RANBP17: variants seen among roughly 807,000 people sequenced by gnomAD.
RANBP17 encodes the protein ran-binding protein 17.
Under a neutral mutation model 141.2 loss-of-function variants are expected in RANBP17, and 158 were observed. The ratio of observed to expected loss-of-function variants is 1.12; its 90% CI spans 0.98 to 1.28. RANBP17 has a LOEUF of 1.28. Among genes scored for constraint, RANBP17 ranks in the 50% most tolerant of loss-of-function variants. The probability of loss-of-function intolerance (pLI) is 0.00; values close to 1 mark genes in which losing one functional copy is unlikely to be tolerated. For synonymous variants in RANBP17, 430 were observed against 450.0 expected (o/e 0.96, Z 0.56); for missense variants, 1,438 against 1,290.7 (o/e 1.11, Z -1.75).
intron 5 of RANBP17, chr5:170,904,344 A>G (rs1476606792): frequency 4.6e-6 from 1 of 217,124 alleles, no homozygotes; most frequent in South Asian, 8.9e-5. Flanking sequence ...GAAGAAAGCT[A>G]TTTCACAGAA....
At chr5:171,003,246 G>C (rs1288096916) in intron 14 of RANBP17, among the ~76,000 whole-genome samples, 1 of 152,184 alleles carries the variant, frequency 6.6e-6, no homozygotes, top group Admixed American at 6.5e-5. Context: ...GTTAGGATGA[G>C]TCAGGGAAAG....
intron 12 of RANBP17, among the ~76,000 whole-genome samples, chr5:170,943,617 G>A (rs1332380704): frequency 6.6e-6 from 1 of 151,878 alleles, no homozygotes; most frequent in Non-Finnish European, 1.5e-5. Flanking sequence ...TGGAAATTTA[G>A]TATTATTATA....
chr5:170,995,962 G>A (rs1303198810), intron 14 of RANBP17, among the ~76,000 whole-genome samples: 1 of 152,034 alleles, frequency 6.6e-6, no homozygotes, highest in East Asian at 1.9e-4. Flanking sequence ...GGATTTTCAG[G>A]CTGCAGTGTG....
chr5:170,995,083 A>G (rs893994821), intron 14 of RANBP17, among the ~76,000 whole-genome samples: 5 of 152,152 alleles, frequency 3.3e-5, no homozygotes, highest in African/African-American at 7.2e-5. Flanking sequence ...AAATATTCCT[A>G]GTTAAATCAG....
In RANBP17 at chr5:170,903,708, A is replaced by G. The variant is rs550375585; in HGVS notation, c.490-5953A>G. ...TGCCCATTGACAGTCTTTATTTGACATCATTAGCAAAGTCGACCTCATAGT... is the reference window on the plus strand; with the variant it reads ...TGCCCATTGACAGTCTTTATTTGACGTCATTAGCAAAGTCGACCTCATAGT... On this transcript the variant is annotated intron_variant, in intron 5 of 27. Transcript: ENST00000523189. 30 of 309,194 alleles carry G rather than the reference A, an allele frequency of 9.7e-5. No individual in the cohort carries two copies. The South Asian group carries it at 1.2e-3, about 12-fold the overall frequency. 19.2% of individuals were successfully genotyped at this position (309,194 alleles called of 1,614,324 possible). A position where few individuals can be genotyped will look rare whatever the true frequency, so the allele number is the denominator to read the frequency against.
At chr5:170,968,597 T>C in intron 14 of RANBP17, 1 of 596,402 alleles carries the variant, frequency 1.7e-6, no homozygotes, top group South Asian at 1.6e-5. Context: ...AATGAATATG[T>C]TTTACATGGA....
intron 14 of RANBP17, among the ~76,000 whole-genome samples, chr5:171,032,572 C>G (rs1260175202): frequency 6.6e-6 from 1 of 152,006 alleles, no homozygotes; most frequent in Non-Finnish European, 1.5e-5. Flanking sequence ...CCCTGTATAT[C>G]TGTATAGTGA....
chr5:171,103,052 G>A (rs759518680), intron 14 of RANBP17, among the ~76,000 whole-genome samples: 2 of 152,200 alleles, frequency 1.3e-5, no homozygotes, highest in African/African-American at 4.8e-5. Context: ...GCTGGGAGGT[G>A]TCTCTCAGTC....
intron 14 of RANBP17, among the ~76,000 whole-genome samples, chr5:171,160,441 A>G (rs993634613): frequency 6.6e-6 from 1 of 152,188 alleles, no homozygotes; most frequent in Non-Finnish European, 1.5e-5. Flanking sequence ...TTTACTGTAT[A>G]CCAGGACTGT....
chr5:171,195,791 C>T (rs146294411), intron 18 of RANBP17, among the ~76,000 whole-genome samples: 2 of 152,298 alleles, frequency 1.3e-5, no homozygotes, highest in African/African-American at 4.8e-5. Flanking sequence ...TATCTAATTC[C>T]TTTGAGTCTC....
chr5:170,972,730 G>A (rs1479566933), intron 14 of RANBP17, among the ~76,000 whole-genome samples: 2 of 152,028 alleles, frequency 1.3e-5, no homozygotes, highest in Non-Finnish European at 2.9e-5. Context: ...GAATTGCTGG[G>A]CTGTAAAATG....
chr5:171,171,223 A>G lies in RANBP17; in HGVS notation c.1802A>G (p.Tyr601Cys). Residue 601 changes from tyrosine (Y) to cysteine (C), a missense_variant, in exon 16 of 28, where the codon TAC becomes TGC. Coordinates refer to ENST00000523189, the MANE Select transcript of RANBP17 (RefSeq NM_022897.5). ...FMTKIVTNLK[Y>C]WGRYEPVISR... ...ATATTTAGTGTTACAAACCTTAAAT[A>G]CTGGGGAAGATATGAGCCTGTAATT... 6.3e-7 allele frequency: 1 copy of G among 1,588,574 alleles called. No homozygotes were observed. The highest frequency in any genetic ancestry group is 8.6e-7 in the Non-Finnish European group (1 of 1,163,400).
chr5:171,147,991 G>A (rs562957295), intron 14 of RANBP17, among the ~76,000 whole-genome samples: 7 of 152,302 alleles, frequency 4.6e-5, no homozygotes, highest in South Asian at 2.1e-4. Context: ...GATGGTTGCC[G>A]TGTCTGTGTA....
intron 5 of RANBP17, among the ~76,000 whole-genome samples, chr5:170,908,755 T>C (rs1226974104): frequency 1.3e-5 from 2 of 151,892 alleles, no homozygotes; most frequent in African/African-American, 2.4e-5. Context: ...CCTTCTGTTA[T>C]GTTTCATGTT....
At chr5:170,991,159 G>T (rs1778482946) in intron 14 of RANBP17, among the ~76,000 whole-genome samples, 1 of 151,860 alleles carries the variant, frequency 6.6e-6, no homozygotes, top group Admixed American at 6.6e-5. Context: ...CTAGCCTGTA[G>T]GAGATGAAAA....
chr5:171,080,313 G>C (rs1298054239), intron 14 of RANBP17, among the ~76,000 whole-genome samples: 1 of 151,528 alleles, frequency 6.6e-6, no homozygotes, highest in Non-Finnish European at 1.5e-5. Flanking sequence ...TTTTAAAATA[G>C]GAAATGACAG....
chr5:171,286,486 G>A (rs941245957), intron 25 of RANBP17, among the ~76,000 whole-genome samples: 1 of 151,998 alleles, frequency 6.6e-6, no homozygotes, highest in Non-Finnish European at 1.5e-5. Context: ...AGTTAGTAAT[G>A]TTATTTTTAT....
At chr5:171,088,413 A>T (rs1465332856) in intron 14 of RANBP17, among the ~76,000 whole-genome samples, 1 of 151,692 alleles carries the variant, frequency 6.6e-6, no homozygotes, top group Non-Finnish European at 1.5e-5. Flanking sequence ...CTGCATTTCA[A>T]CCTTGGAGGA....
chr5:171,116,439 T>A (rs77258945), intron 14 of RANBP17, among the ~76,000 whole-genome samples: 1 of 152,184 alleles, frequency 6.6e-6, no homozygotes, highest in African/African-American at 2.4e-5. Context: ...AATTAAAATA[T>A]TAATAACACT....
Sources: allele counts gnomAD v4.1 joint callset (sites outside exome capture counted in the v4.1 genomes callset), GRCh38; gene constraint gnomAD v4.1.1; transcripts MANE v1.5; gene names NCBI Gene and HGNC (gene_info 2026-07-23, HGNC 2026-07-21).